The following KIAA0513 variants were observed in gnomAD, a reference collection of about 807,000 sequenced individuals.
KIAA0513 encodes uncharacterized protein KIAA0513.
Under a neutral mutation model 56.5 loss-of-function variants are expected in KIAA0513, and 39 were observed. The ratio of observed to expected loss-of-function variants is 0.69; its 90% CI spans 0.53 to 0.90. KIAA0513 has a LOEUF of 0.90. Ranked by LOEUF, KIAA0513 falls within the 40% of genes least tolerant of loss-of-function variation. The probability of loss-of-function intolerance (pLI) is 0.00; values close to 1 mark genes in which losing one functional copy is unlikely to be tolerated. For synonymous variants in KIAA0513, 268 were observed against 215.6 expected (o/e 1.24, Z -2.13); for missense variants, 591 against 535.2 (o/e 1.10, Z -1.03).
In KIAA0513 at chr16:85,078,952, A is replaced by C; in HGVS notation, c.851A>C (p.Lys284Thr). Residue 284 changes from lysine (K) to threonine (T), a missense_variant, in exon 8 of 13, where the codon AAG becomes ACG. Lys to Thr is a moderately conservative substitution (Grantham distance 78, BLOSUM62 -1). Transcript: ENST00000683363. The stretch of plus-strand genomic sequence containing the variant: ...ACCGCGTACAGCCCCGAGGACGAAA[A>C]GAAGGGGGAGAAGATCTACCTGTAC... Reference protein sequence around the residue: ...AVTAYSPEDEKKGEKIYLYTH... With the variant: ...AVTAYSPEDETKGEKIYLYTH... 6.2e-7 allele frequency: 1 copy of C among 1,614,074 alleles called. No homozygotes were observed. The highest frequency in any genetic ancestry group is 8.5e-7 in the Non-Finnish European group (1 of 1,180,018).
chr16:85,072,821 C>A, intron 3 of KIAA0513, 104 bp from the exon 4 acceptor site: 1 of 1,142,734 alleles, frequency 8.8e-7, no homozygotes, highest in Non-Finnish European at 1.3e-6. Flanking sequence ...GGGCCCCCAT[C>A]CCAGCTGCAT....
rs570619931 is a variant in KIAA0513, at chr16:85,030,872, C to T, written c.-173+3014C>T. 1.8e-3 allele frequency among the ~76,000 whole-genome samples: 278 copies of T among 152,118 alleles called. 2 individuals are homozygous for T. Among genetic ancestry groups the T allele is most frequent in the African/African-American group, 6.3e-3 (261 of 41,504 alleles). On this transcript the variant is annotated intron_variant, in intron 1 of 12. Coordinates refer to ENST00000683363, the MANE Select transcript of KIAA0513 (RefSeq NM_001388359.1). ...AAAAGGAATTCACGGGGAGGTTGGC[C>T]AGTAAATGTTTCGGCAAGTCAGTGG...
rs1400554711 is a variant in KIAA0513, at chr16:85,077,554, C to T, written c.704C>T (p.Ser235Leu). Residue 235 changes from serine (S) to leucine (L), a missense_variant, in exon 6 of 13, where the codon TCG becomes TTG. By Grantham distance (145) the Ser-to-Leu change is moderately radical. Transcript: ENST00000683363. The stretch of plus-strand genomic sequence containing the variant: ...GCCGAGCGGCTGCTGAAGAACACCT[C>T]GGCCAGGACTGAGAATGTCAAGGGC... ...DIAERLLKNT[S>L]ARTENVKGFF... is the part of the protein sequence containing the mutation. 2.5e-6 allele frequency: 4 copies of T among 1,614,148 alleles called. No individual in the cohort carries two copies. Among genetic ancestry groups the T allele is most frequent in the Non-Finnish European group, 2.5e-6 (3 of 1,180,024 alleles).
In KIAA0513 at chr16:85,092,659, C is replaced by T. The variant is rs2073881365; in HGVS notation, c.*4334C>T. The T allele has an allele frequency of 6.6e-6, 1 of 152,256 alleles. No individual in the cohort carries two copies. The highest frequency in any genetic ancestry group is 2.4e-5 in the African/African-American group (1 of 41,458). The allele number at this position is 152,256 out of a possible 1,614,324, so 9.4% of individuals were successfully genotyped here. A position where few individuals can be genotyped will look rare whatever the true frequency, so the allele number is the denominator to read the frequency against. On this transcript the variant is annotated 3_prime_UTR_variant, in exon 13 of 13. Transcript: ENST00000683363. ...CATTTTTCTTAGGATGCAGCCGTCT[C>T]ACTCCCTTGTCCTGTAAATCGTGTA... is the stretch of plus-strand genomic sequence containing the variant.
intron 4 of KIAA0513, among the ~76,000 whole-genome samples, chr16:85,073,381 C>T (rs781134337): frequency 6.6e-6 from 1 of 152,204 alleles, no homozygotes; most frequent in Non-Finnish European, 1.5e-5. Context: ...CATATAAACA[C>T]TTAATGATAT....
rs1232576899 is a variant in KIAA0513 at position 85,076,406 on chromosome 16, C to T, written c.574+492C>T. Among the ~76,000 whole-genome samples the T allele has an allele frequency of 6.6e-6, 1 of 152,168 alleles. No homozygotes were observed. The highest frequency in any genetic ancestry group is 1.5e-5 in the Non-Finnish European group (1 of 68,028). ...ACTGTGCTTGATGCTGAGGCTAGGA[C>T]ATCTCTTCCGCCTCATTGCGTTGGC... On this transcript the variant is annotated intron_variant, in intron 5 of 12. Transcript: ENST00000683363. The surrounding 1 kb of genome is among the most constrained non-coding windows in gnomAD (Gnocchi z 4.7).
intron 1 of KIAA0513, among the ~76,000 whole-genome samples, chr16:85,057,227 T>C (rs1223873950): frequency 6.6e-6 from 1 of 152,198 alleles, no homozygotes; most frequent in Admixed American, 6.5e-5. Context: ...GCAGCCGAGA[T>C]GAATGGCGTA....
rs753169623 is a variant in KIAA0513 at position 85,086,681 on chromosome 16, G to A, written c.1048G>A (p.Asp350Asn). 16 of 1,613,764 alleles carry A rather than the reference G, an allele frequency of 9.9e-6. No individual in the cohort carries two copies. Among genetic ancestry groups the A allele is most frequent in the Admixed American group, 6.7e-5 (4 of 60,004 alleles). Reference sequence around the variant, plus strand: ...CCACATGACCCAGGAGGAGCGCGACGACAGCCTCCGGTTCAACGAGAACAT... The same window carrying A: ...CCACATGACCCAGGAGGAGCGCGACAACAGCCTCCGGTTCAACGAGAACAT... ...WCHMTQEERD[D>N]SLRFNENITF... Residue 350 changes from aspartate to asparagine, a missense_variant, in exon 11 of 13, where the codon GAC becomes AAC. Coordinates refer to ENST00000683363, the MANE Select transcript of KIAA0513 (RefSeq NM_001388359.1).
rs1034347634 is a variant in KIAA0513, at chr16:85,066,965, T to C, written c.-107T>C. Reference sequence around the variant, plus strand: ...TTGGTAGCCGGCAGTTACTGGCAACTTGTGAGCTTGGTGGGCTCCTACTAA... The same window carrying C: ...TTGGTAGCCGGCAGTTACTGGCAACCTGTGAGCTTGGTGGGCTCCTACTAA... On this transcript the variant is annotated 5_prime_UTR_variant, in exon 2 of 13. Coordinates refer to ENST00000683363, the MANE Select transcript of KIAA0513 (RefSeq NM_001388359.1). The C allele has an allele frequency of 9.4e-6, 9 of 956,550 alleles. No individual in the cohort carries two copies. In the African/African-American group the frequency reaches 1.2e-4, roughly 12 times the overall value. The allele number at this position is 956,550 out of a possible 1,614,324, so 59.3% of individuals were successfully genotyped here.
At chr16:85,067,543 C>T (rs2073505685) in intron 2 of KIAA0513, 143 bp downstream of exon 2, 2 of 654,550 alleles carry the variant, frequency 3.1e-6, no homozygotes, top group East Asian at 2.8e-5. Flanking sequence ...GTGGCGACTG[C>T]AGGGGCCTCA....
intron 1 of KIAA0513, among the ~76,000 whole-genome samples, chr16:85,056,732 C>T (rs1055356163): frequency 1.3e-5 from 2 of 152,174 alleles, no homozygotes; most frequent in African/African-American, 4.8e-5. Flanking sequence ...TGGGGTCTCA[C>T]TCTGTCACCC....
intron 12 of KIAA0513, 28 bp downstream of exon 12, chr16:85,087,194 A>G (rs2073819612): frequency 6.3e-7 from 1 of 1,584,028 alleles, no homozygotes; most frequent in South Asian, 1.1e-5. Context: ...TGCTGGCAGG[A>G]GGCGGGCAGG....
At chr16:85,059,480 G>A (rs1008434196) in intron 1 of KIAA0513, among the ~76,000 whole-genome samples, 4 of 152,200 alleles carry the variant, frequency 2.6e-5, no homozygotes, top group African/African-American at 4.8e-5. Flanking sequence ...AGCTAAGGTG[G>A]CTCCAGAAAA....
intron 1 of KIAA0513, among the ~76,000 whole-genome samples, chr16:85,050,339 A>T (rs1205715978): frequency 6.6e-5 from 7 of 105,270 alleles, no homozygotes; most frequent in African/African-American, 1.9e-4. Flanking sequence ...TTATTTATTT[A>T]TTTATTTATT....
At chr16:85,032,544 G>A (rs7204176) in intron 1 of KIAA0513, among the ~76,000 whole-genome samples, 12,759 of 152,164 alleles carry the variant, frequency 0.084, 942 homozygotes, top group African/African-American at 0.18. Context: ...TGTTGGCCAG[G>A]CTGGTCTCAA....
At chr16:85,039,057 G>A (rs1249469970) in intron 1 of KIAA0513, among the ~76,000 whole-genome samples, 6 of 152,314 alleles carry the variant, frequency 3.9e-5, no homozygotes, top group Middle Eastern at 3.4e-3. Flanking sequence ...TGAGGGCCAG[G>A]CTTTTGTCTC....
intron 10 of KIAA0513, among the ~76,000 whole-genome samples, chr16:85,084,626 AC>A (rs910779929): frequency 1.3e-5 from 2 of 151,970 alleles, no homozygotes; most frequent in Non-Finnish European, 2.9e-5. Flanking sequence ...ACGGGGTTTC[AC>A]CATGTTGGTC....
rs374487966 is a variant in KIAA0513, at chr16:85,083,053, G to C, written c.1010+460G>C. 5.3e-5 allele frequency among the ~76,000 whole-genome samples: 8 copies of C among 152,348 alleles called. No individual in the cohort carries two copies. In the East Asian group the frequency reaches 1.2e-3, roughly 22 times the overall value. ...GGCTCATCTGGGAAGCCACGGGTGGGGTGCAGAGCCTGTCCTGTTTGCAAC... is the reference window on the plus strand; with the variant it reads ...GGCTCATCTGGGAAGCCACGGGTGGCGTGCAGAGCCTGTCCTGTTTGCAAC... On this transcript the variant is annotated intron_variant, in intron 10 of 12. Coordinates refer to ENST00000683363, the MANE Select transcript of KIAA0513 (RefSeq NM_001388359.1).
chr16:85,060,589 A>C lies in KIAA0513; in HGVS notation c.-172-6311A>C, dbSNP rs946793729. 1.9e-4 allele frequency among the ~76,000 whole-genome samples: 29 copies of C among 152,204 alleles called. 1 individual carries two copies. Among genetic ancestry groups the C allele is most frequent in the Admixed American group, 1.8e-3 (28 of 15,284 alleles). ...CACGGCGGCTCACGCCTGTAATCCC[A>C]GCACTTTGGGAGGCCAAGTTGGAAG... On this transcript the variant is annotated intron_variant, in intron 1 of 12. Coordinates refer to ENST00000683363, the MANE Select transcript of KIAA0513 (RefSeq NM_001388359.1).
Sources: gnomAD v4.1 joint callset for allele counts (sites outside exome capture counted in the v4.1 genomes callset) on GRCh38, gnomAD v4.1.1 for gene constraint, Gnocchi (gnomAD v3.1) non-coding constraint, MANE v1.5 for transcripts, NCBI Gene and HGNC (gene_info 2026-07-23, HGNC 2026-07-21) for gene names.